DEPTOR: variants seen among roughly 807,000 people sequenced by gnomAD.
The protein encoded by DEPTOR is DEP domain containing MTOR interacting protein.
Under a neutral mutation model 41.6 loss-of-function variants are expected in DEPTOR, and 41 were observed. The observed-to-expected ratio is 0.98, with a 90% CI of 0.77 to 1.28. The LOEUF (loss-of-function observed/expected upper bound fraction) is 1.28. DEPTOR is among the 50% of genes most tolerant of loss of function. The pLI is 0.00. For missense variants in DEPTOR, 514 were observed against 527.9 expected, an observed-to-expected ratio of 0.97 and a Z score of 0.26; for synonymous variants, 195 against 192.3, an observed-to-expected ratio of 1.01 and a Z score of -0.12.
At chr8:119,874,304 T>G (rs73703112) in intron 1 of DEPTOR, 115,290 of 341,722 alleles carry the variant, frequency 0.34, 22,356 homozygotes, top group African/African-American at 0.55. Context: ...CCGCCAGGCC[T>G]CCCGGCTGAC....
chr8:120,021,082 A>ATAAAT (rs1490321780), intron 8 of DEPTOR, among the ~76,000 whole-genome samples: 1 of 150,096 alleles, frequency 6.7e-6, no homozygotes, highest in African/African-American at 2.5e-5. Flanking sequence ...ATAAAATAAA[A>ATAAAT]TAAAATAGGG....
chr8:119,875,592 G>T (rs1292128473), intron 1 of DEPTOR, among the ~76,000 whole-genome samples: 5 of 152,210 alleles, frequency 3.3e-5, no homozygotes, highest in African/African-American at 1.2e-4. Context: ...CTGAAGTAAT[G>T]AGGGCTGTTC....
intron 3 of DEPTOR, among the ~76,000 whole-genome samples, chr8:119,961,210 A>G (rs1343761828): frequency 6.6e-6 from 1 of 151,976 alleles, no homozygotes; most frequent in African/African-American, 2.4e-5. Context: ...TGAGGTTGGG[A>G]GTTCGAGACC....
chr8:119,989,417 T>C (rs1057389491), intron 4 of DEPTOR, among the ~76,000 whole-genome samples: 1 of 152,174 alleles, frequency 6.6e-6, no homozygotes, highest in Non-Finnish European at 1.5e-5. Flanking sequence ...CTTGTCTGCC[T>C]CCTCGTTTCC....
At chr8:119,946,208 A>G (rs1801483758) in intron 3 of DEPTOR, among the ~76,000 whole-genome samples, 1 of 152,220 alleles carries the variant, frequency 6.6e-6, no homozygotes, top group African/African-American at 2.4e-5. Context: ...AAAAACATTT[A>G]ATAATTTCAG....
At chr8:120,041,034 A>G (rs568244082) in intron 8 of DEPTOR, among the ~76,000 whole-genome samples, 1 of 152,292 alleles carries the variant, frequency 6.6e-6, no homozygotes, top group South Asian at 2.1e-4. Flanking sequence ...GTATTGTTAA[A>G]TGTTTTATGT....
At chr8:120,040,386 C>T (rs897169253) in intron 8 of DEPTOR, among the ~76,000 whole-genome samples, 2 of 151,874 alleles carry the variant, frequency 1.3e-5, no homozygotes, top group Non-Finnish European at 1.5e-5. Flanking sequence ...ACCATCCTGG[C>T]TAACGTGGTG....
In DEPTOR at chr8:119,967,749, G is replaced by A. The variant is rs1364940065; in HGVS notation, c.604+2339G>A. On this transcript the variant is annotated intron_variant, in intron 4 of 8. Coordinates refer to ENST00000286234, the MANE Select transcript of DEPTOR (RefSeq NM_022783.4). ...AACCTGGGTGGCAGAGCAAGACTTCGTCCCAAAAAAAAAAAAAAAAAAGAG... is the reference window on the plus strand; with the variant it reads ...AACCTGGGTGGCAGAGCAAGACTTCATCCCAAAAAAAAAAAAAAAAAAGAG... 1.8e-4 allele frequency among the ~76,000 whole-genome samples: 22 copies of A among 121,258 alleles called. No homozygotes were observed. In the East Asian group the frequency reaches 3.8e-3, roughly 21 times the overall value. The allele number at this position is 121,258 out of a possible 152,430, so 79.5% of individuals were successfully genotyped here.
At chr8:119,970,211 T>C (rs1052230815) in intron 4 of DEPTOR, among the ~76,000 whole-genome samples, 1 of 152,260 alleles carries the variant, frequency 6.6e-6, no homozygotes, top group Non-Finnish European at 1.5e-5. Context: ...ATGTGTACCA[T>C]CTATAAAGGC....
At chr8:120,017,558 G>A (rs1225771608) in intron 8 of DEPTOR, among the ~76,000 whole-genome samples, 1 of 152,140 alleles carries the variant, frequency 6.6e-6, no homozygotes, top group Non-Finnish European at 1.5e-5. Context: ...TTTTGGAGAA[G>A]ATCAAATAAA....
chr8:119,902,810 G>C (rs919046520), intron 1 of DEPTOR, among the ~76,000 whole-genome samples: 1 of 152,176 alleles, frequency 6.6e-6, no homozygotes, highest in South Asian at 2.1e-4. Flanking sequence ...CTAAAATTAA[G>C]TTGTATAGTT....
intron 1 of DEPTOR, among the ~76,000 whole-genome samples, chr8:119,885,138 A>G (rs575730826): frequency 6.6e-6 from 1 of 151,966 alleles, no homozygotes; most frequent in African/African-American, 2.4e-5. Context: ...GAATGGGGTA[A>G]CCTTGGACCC....
rs576039583 is a variant in DEPTOR at position 119,951,062 on chromosome 8, CACACACACAA to C, written c.426-14160_426-14151del. On this transcript the variant is annotated intron_variant, in intron 3 of 8. Coordinates refer to ENST00000286234, the MANE Select transcript of DEPTOR (RefSeq NM_022783.4). ...ACGGGGTTAGACACTATCTAATATA[CACACACACAA>C]ACACACACACACACACACACACATC... 2.0e-3 allele frequency among the ~76,000 whole-genome samples: 261 copies of C among 127,658 alleles called. 1 individual carries two copies. The highest frequency in any genetic ancestry group is 7.1e-3 in the African/African-American group (251 of 35,196). The allele number at this position is 127,658 out of a possible 152,430, so 83.7% of individuals were successfully genotyped here.
chr8:119,945,942 C>T (rs985838822), intron 3 of DEPTOR, among the ~76,000 whole-genome samples: 1 of 152,094 alleles, frequency 6.6e-6, no homozygotes, highest in African/African-American at 2.4e-5. Flanking sequence ...GAAGGCATGG[C>T]TGGGAGGTTT....
intron 1 of DEPTOR, among the ~76,000 whole-genome samples, chr8:119,913,877 C>A (rs1237123805): frequency 1.3e-5 from 2 of 152,152 alleles, no homozygotes; most frequent in African/African-American, 2.4e-5. Context: ...GTTGGCTTAC[C>A]ATGCCCTAGC....
At chr8:119,985,826 C>CT (rs999602227) in intron 4 of DEPTOR, among the ~76,000 whole-genome samples, 2 of 41,634 alleles carry the variant, frequency 4.8e-5, no homozygotes, top group Admixed American at 3.4e-4. Flanking sequence ...AACCCCTGCT[C>CT]TTTTTTTTTT....
chr8:119,881,276 C>T (rs984646920), intron 1 of DEPTOR, among the ~76,000 whole-genome samples: 1 of 152,114 alleles, frequency 6.6e-6, no homozygotes, highest in Non-Finnish European at 1.5e-5. Flanking sequence ...AATCCTGGCA[C>T]TCTGGGAGGC....
intron 8 of DEPTOR, among the ~76,000 whole-genome samples, chr8:120,030,439 T>C (rs565638697): frequency 2.0e-5 from 3 of 146,676 alleles, no homozygotes; most frequent in Admixed American, 1.4e-4. Flanking sequence ...ACACTAAGAG[T>C]GACCCCAGTG....
chr8:119,972,622 C>CAA (rs59750717), intron 4 of DEPTOR, among the ~76,000 whole-genome samples: 55 of 138,228 alleles, frequency 4.0e-4, no homozygotes, highest in East Asian at 1.4e-3. Context: ...GACTCTGTCT[C>CAA]AAAAAAAAAA....
Sources: allele counts gnomAD v4.1 joint callset (sites outside exome capture counted in the v4.1 genomes callset), GRCh38; gene constraint gnomAD v4.1.1; transcripts MANE v1.5; gene names NCBI Gene and HGNC (gene_info 2026-07-23, HGNC 2026-07-21).